NUP107: variants seen among roughly 807,000 people sequenced by gnomAD.
NUP107 encodes the protein nucleoporin 107, also known as nuclear pore complex protein Nup107.
A neutral mutation model predicts 141.0 loss-of-function variants in NUP107; 101 were observed. That is an observed-to-expected ratio of 0.72 (90% CI 0.61 to 0.84). The LOEUF (loss-of-function observed/expected upper bound fraction) is 0.84. Ranked by LOEUF, NUP107 falls within the 40% of genes least tolerant of loss-of-function variation. The pLI is 0.00. For synonymous variants in NUP107, 319 were observed against 363.9 expected (o/e 0.88, Z 1.41); for missense variants, 941 against 1,102.7 (o/e 0.85, Z 2.08).
chr12:68,707,978 C>T (rs1876675359), intron 8 of NUP107, among the ~76,000 whole-genome samples: 1 of 152,020 alleles, frequency 6.6e-6, no homozygotes, highest in Admixed American at 6.6e-5. Flanking sequence ...CACCTCCCTT[C>T]TTCTTGGGAG....
chr12:68,707,736 T>TTTG (rs770220746), intron 8 of NUP107, among the ~76,000 whole-genome samples: 4 of 152,308 alleles, frequency 2.6e-5, no homozygotes, highest in Middle Eastern at 3.4e-3. Context: ...TAGAGATGAT[T>TTTG]TTGTTGTTGT....
chr12:68,704,907 T>C (rs1876506253), intron 8 of NUP107, among the ~76,000 whole-genome samples: 1 of 151,008 alleles, frequency 6.6e-6, no homozygotes, highest in Non-Finnish European at 1.5e-5. Context: ...GGCGGGGACA[T>C]GGTCTCACTT....
Position 68,703,000 on chromosome 12 carries a change from C to T in NUP107, c.729+216C>T, listed in dbSNP as rs146733915. Among the ~76,000 whole-genome samples, 255 of 152,076 alleles carry T rather than the reference C, an allele frequency of 1.7e-3. 4 individuals are homozygous for T. In the East Asian group the frequency reaches 0.043, roughly 26 times the overall value. Reference sequence around the variant, plus strand: ...CTGGGATTACAGGCGTGCCCCACCACGCCCAGCTAATTTTTTGTATTTTTA... The same window carrying T: ...CTGGGATTACAGGCGTGCCCCACCATGCCCAGCTAATTTTTTGTATTTTTA... On this transcript the variant is annotated intron_variant, in intron 8 of 27. Coordinates refer to ENST00000229179, the MANE Select transcript of NUP107 (RefSeq NM_020401.4).
At chr12:68,725,943 C>T in intron 18 of NUP107, 147 bp downstream of exon 18, 1 of 549,042 alleles carries the variant, frequency 1.8e-6, no homozygotes, top group Non-Finnish European at 3.2e-6. Context: ...TTCACAAGAT[C>T]CTTCAGTCTC....
rs149662886 is a variant in NUP107 at position 68,738,198 on chromosome 12, C to A, written c.2502+2854C>A. Among the ~76,000 whole-genome samples, 296 of 152,214 alleles carry A rather than the reference C, an allele frequency of 1.9e-3. 8 individuals are homozygous for A. In the East Asian group the frequency reaches 0.05, roughly 26 times the overall value. On this transcript the variant is annotated intron_variant, in intron 26 of 27. Coordinates refer to ENST00000229179, the MANE Select transcript of NUP107 (RefSeq NM_020401.4). ...GGCTGAGGCAGAAGAATCACTTGAA[C>A]CTGGGAGGCGGAGGTTGCAGTGAGC...
At chr12:68,687,494 G>T in intron 1 of NUP107, 1 of 1,026,038 alleles carries the variant, frequency 9.7e-7, no homozygotes. Context: ...CTATGATCTG[G>T]GTACTGTGCT....
chr12:68,695,939 T>C (rs1876028834), intron 5 of NUP107, among the ~76,000 whole-genome samples: 1 of 150,662 alleles, frequency 6.6e-6, no homozygotes, highest in Non-Finnish European at 1.5e-5. Flanking sequence ...CCTAGGAGTT[T>C]GAGGCTATAG....
At position 68,707,157 on chromosome 12, in the gene NUP107, C is replaced by G. The variant is rs1166474072; in HGVS notation, c.730-2081C>G. The G allele has an allele frequency of 1.3e-5, 7 of 533,022 alleles. No individual in the cohort carries two copies. The Middle Eastern group carries it at 3.0e-3, about 230-fold the overall frequency. 33.0% of individuals were successfully genotyped at this position (533,022 alleles called of 1,614,324 possible). ...CCAGAGGAGCACAGGGAACAGGAGA[C>G]CCACCTGAGGCTCAGCCCTAGCCCT... On this transcript the variant is annotated intron_variant, in intron 8 of 27. Transcript: ENST00000229179.
chr12:68,705,838 A>G (rs1332772413), intron 8 of NUP107: 2 of 774,024 alleles, frequency 2.6e-6, no homozygotes, highest in African/African-American at 3.4e-5. Flanking sequence ...AGTCACGGTC[A>G]ACCAGAGCCT....
At chr12:68,721,738 C>G in intron 15 of NUP107, 103 bp from the exon 16 acceptor site, 1 of 1,139,710 alleles carries the variant, frequency 8.8e-7, no homozygotes, top group South Asian at 1.6e-5. Flanking sequence ...TGTTTTATAT[C>G]ATTATAAAGT....
At chr12:68,701,508 G>T (rs776832687) in intron 7 of NUP107, among the ~76,000 whole-genome samples, 10 of 151,696 alleles carry the variant, frequency 6.6e-5, no homozygotes, top group African/African-American at 1.7e-4. Flanking sequence ...ACAGTAGAAC[G>T]CTGTCTCTAC....
At chr12:68,699,554 A>G (rs1229482601) in intron 6 of NUP107, among the ~76,000 whole-genome samples, 1 of 152,214 alleles carries the variant, frequency 6.6e-6, no homozygotes, top group Non-Finnish European at 1.5e-5. Context: ...GCTTCATTAA[A>G]TAACACTTAG....
intron 5 of NUP107, among the ~76,000 whole-genome samples, chr12:68,692,371 G>T (rs1875842440): frequency 6.6e-6 from 1 of 151,952 alleles, no homozygotes; most frequent in Non-Finnish European, 1.5e-5. Flanking sequence ...ACGAGGTCAG[G>T]AGTTCAAGAC....
intron 12 of NUP107, among the ~76,000 whole-genome samples, chr12:68,718,576 AGTGGGTGCC>A: frequency 6.6e-6 from 1 of 152,216 alleles, no homozygotes; most frequent in East Asian, 1.9e-4. Context: ...ATTAAATGCC[AGTGGGTGCC>A]GTGGGAACGT....
In NUP107 at chr12:68,713,827, G is replaced by A; in HGVS notation, c.969+19G>A. On this transcript the variant is annotated intron_variant, in intron 11 of 27. Transcript: ENST00000229179. ...TGAATTGGTAAATGTTCTTTGAAAT[G>A]AAAGTTGCCTTCAAAGTTAACTGAT... 1 of 1,572,520 alleles carries A rather than the reference G, an allele frequency of 6.4e-7. No individual in the cohort carries two copies.
rs374838495 is a variant in NUP107, at chr12:68,691,177, T to TA, written c.303+438dup. Among the ~76,000 whole-genome samples, 404 of 152,204 alleles carry TA rather than the reference T, an allele frequency of 2.7e-3. 5 individuals carry two copies. Among genetic ancestry groups the TA allele is most frequent in the African/African-American group, 9.5e-3 (394 of 41,532 alleles). On this transcript the variant is annotated intron_variant, in intron 4 of 27. Coordinates refer to ENST00000229179, the MANE Select transcript of NUP107 (RefSeq NM_020401.4). ...TATATGGATTGAAATAATTAGACAG[T>TA]AAAAAAACTGAAAACCTTATGCATC...
intron 26 of NUP107, chr12:68,740,229 A>G (rs1878268225): frequency 6.6e-6 from 1 of 152,338 alleles, no homozygotes; most frequent in South Asian, 2.1e-4. Flanking sequence ...CAGAAAGACT[A>G]CATTGGAGCA....
chr12:68,690,830 T>A, intron 4 of NUP107, 84 bp downstream of exon 4: 1 of 1,338,270 alleles, frequency 7.5e-7, no homozygotes. Flanking sequence ...CCTGAACTCC[T>A]GACCTCAAGT....
At position 68,742,355 on chromosome 12, in the gene NUP107, G is replaced by T. The variant is rs1425296902; in HGVS notation, c.2671G>T (p.Val891Leu). The T allele has an allele frequency of 1.3e-6, 2 of 1,583,164 alleles. No individual in the cohort carries two copies. Among genetic ancestry groups the T allele is most frequent in the Admixed American group, 1.7e-5 (1 of 58,984 alleles). ...VSSERHKLYL[V>L]FSKEELRKLL... ...TCTTATTTCTCTTTTTAAAAATCAGGTATTTTCTAAGGAAGAGCTAAGGAA... is the reference window on the plus strand; with the variant it reads ...TCTTATTTCTCTTTTTAAAAATCAGTTATTTTCTAAGGAAGAGCTAAGGAA... The change falls in exon 28 of 28, where the codon GTA becomes TTA. Residue 891 changes from valine to leucine, a missense_variant and splice_region_variant. Coordinates refer to ENST00000229179, the MANE Select transcript of NUP107 (RefSeq NM_020401.4).
Sources: gnomAD v4.1 joint callset for allele counts (sites outside exome capture counted in the v4.1 genomes callset) on GRCh38, gnomAD v4.1.1 for gene constraint, MANE v1.5 for transcripts, NCBI Gene and HGNC (gene_info 2026-07-23, HGNC 2026-07-21) for gene names.